Variants in DACH2 observed in about 807,000 individuals in gnomAD.
The protein encoded by DACH2 is dachshund homolog 2.
In DACH2, 17 loss-of-function variants were observed where a neutral mutation model predicts 35.8. That is an observed-to-expected ratio of 0.48 (90% CI 0.33 to 0.71). DACH2 has a LOEUF of 0.71. Among genes scored for constraint, DACH2 ranks in the 30% least tolerant of loss-of-function variants. The probability of loss-of-function intolerance (pLI) is 0.02; values close to 1 mark genes in which losing one functional copy is unlikely to be tolerated. For synonymous variants in DACH2, 195 were observed against 177.3 expected (o/e 1.10, Z -0.79); for missense variants, 469 against 472.7 (o/e 0.99, Z 0.07).
chrX:86,462,961 A>G (rs2037601566), intron 2 of DACH2, among the ~76,000 whole-genome samples: 1 of 111,538 alleles, frequency 9.0e-6, no homozygotes, highest in Non-Finnish European at 1.9e-5. Context: ...ATCCTATTTT[A>G]TTTATAAACT....
intron 3 of DACH2, among the ~76,000 whole-genome samples, chrX:86,516,390 G>A (rs1400082061): frequency 5.4e-5 from 6 of 111,061 alleles, no homozygotes; most frequent in Non-Finnish European, 1.9e-5. Flanking sequence ...ACATTAGTAG[G>A]TTATTTGTTG....
chrX:86,749,378 T>C (rs192836027), intron 7 of DACH2, among the ~76,000 whole-genome samples: 12 of 111,952 alleles, frequency 1.1e-4, no homozygotes, highest in African/African-American at 3.9e-4. Flanking sequence ...TACATGTGAC[T>C]ATTCCTCTTA....
At chrX:86,411,845 A>G (rs1329677758) in intron 2 of DACH2, among the ~76,000 whole-genome samples, 1 of 110,954 alleles carries the variant, frequency 9.0e-6, no homozygotes, top group Non-Finnish European at 1.9e-5. Context: ...TTCAGCAAGC[A>G]CCTCAGCAGG....
intron 1 of DACH2, among the ~76,000 whole-genome samples, chrX:86,285,427 C>G (rs2034124702): frequency 9.0e-6 from 1 of 111,481 alleles, no homozygotes; most frequent in Non-Finnish European, 1.9e-5. Context: ...AATTGATTGA[C>G]CCACTGGTGA....
intron 7 of DACH2, among the ~76,000 whole-genome samples, chrX:86,752,054 A>G (rs1303081144): frequency 1.8e-5 from 2 of 111,538 alleles, no homozygotes; most frequent in Admixed American, 9.5e-5. Flanking sequence ...ATGAATGTAA[A>G]GATGGGAACC....
chrX:86,693,295 T>G (rs1423830748), intron 4 of DACH2, among the ~76,000 whole-genome samples: 1 of 112,289 alleles, frequency 8.9e-6, no homozygotes, highest in African/African-American at 3.2e-5. Flanking sequence ...AACTGCTAAT[T>G]TCTTCCCACG....
At chrX:86,626,433 A>G (rs2040138182) in intron 3 of DACH2, among the ~76,000 whole-genome samples, 1 of 112,645 alleles carries the variant, frequency 8.9e-6, no homozygotes, top group African/African-American at 3.2e-5. Context: ...GCAAGCTGTC[A>G]GTGGAACTAC....
At chrX:86,377,525 G>A (rs1371678495) in intron 2 of DACH2, among the ~76,000 whole-genome samples, 1 of 110,811 alleles carries the variant, frequency 9.0e-6, no homozygotes, top group African/African-American at 3.3e-5. Context: ...ATTTTAGGTT[G>A]TAGTGGTGAA....
rs695264 is a variant in DACH2, at chrX:86,438,219, G to GTT, written c.527+61377_527+61378dup. On this transcript the variant is annotated intron_variant, in intron 2 of 11. Transcript: ENST00000373125. ...TTCTGCAAAGGACATGATCTCGTAGGTTTTTTTTTTTTTTTTTTTTTGAGA... is the reference window on the plus strand; with the variant it reads ...TTCTGCAAAGGACATGATCTCGTAGGTTTTTTTTTTTTTTTTTTTTTTTGAGA... 2.4e-3 allele frequency among the ~76,000 whole-genome samples: 198 copies of GTT among 81,106 alleles called. 7 individuals carry two copies. Among genetic ancestry groups the GTT allele is most frequent in the African/African-American group, 8.5e-3 (162 of 18,993 alleles). The allele number at this position is 81,106 out of a possible 115,157, so 70.4% of individuals were successfully genotyped here. A position where few individuals can be genotyped will look rare whatever the true frequency, so the allele number is the denominator to read the frequency against.
intron 1 of DACH2, among the ~76,000 whole-genome samples, chrX:86,296,337 C>T (rs1414660522): frequency 3.6e-4 from 34 of 94,072 alleles, no homozygotes; most frequent in East Asian, 1.7e-3. Flanking sequence ...GCCGAGATTG[C>T]GCCACTGCAC....
intron 2 of DACH2, among the ~76,000 whole-genome samples, chrX:86,377,523 T>G (rs754332640): frequency 6.3e-5 from 7 of 110,513 alleles, no homozygotes; most frequent in Admixed American, 3.9e-4. Flanking sequence ...ACATTTTAGG[T>G]TGTAGTGGTG....
intron 1 of DACH2, among the ~76,000 whole-genome samples, chrX:86,325,106 G>A (rs2035090152): frequency 9.1e-6 from 1 of 109,421 alleles, no homozygotes; most frequent in Non-Finnish European, 1.9e-5. Flanking sequence ...AAAAAAAATT[G>A]TGACTTGGTT....
chrX:86,546,892 A>C (rs1019054912), intron 3 of DACH2, among the ~76,000 whole-genome samples: 1 of 109,653 alleles, frequency 9.1e-6, no homozygotes, highest in African/African-American at 3.3e-5. Context: ...CTACTTACCT[A>C]CTTTTTTGCA....
At chrX:86,281,268 C>A (rs958788267) in intron 1 of DACH2, among the ~76,000 whole-genome samples, 1 of 110,957 alleles carries the variant, frequency 9.0e-6, no homozygotes, top group Admixed American at 9.7e-5. Flanking sequence ...ACTGGCAAAC[C>A]AAATCCAGCA....
intron 4 of DACH2, among the ~76,000 whole-genome samples, chrX:86,669,558 G>A (rs1028521014): frequency 2.7e-5 from 3 of 110,995 alleles, no homozygotes; most frequent in East Asian, 5.6e-4. Flanking sequence ...ATTTCTCTTC[G>A]GTATTAGAAG....
chrX:86,376,090 A>T (rs2148101970), intron 1 of DACH2, among the ~76,000 whole-genome samples: 1 of 108,694 alleles, frequency 9.2e-6, no homozygotes, highest in Non-Finnish European at 1.9e-5. Context: ...TTTAAAATGG[A>T]TCTCTTTTGT....
chrX:86,462,424 T>A (rs1218579770), intron 2 of DACH2, among the ~76,000 whole-genome samples: 1 of 111,471 alleles, frequency 9.0e-6, no homozygotes, highest in African/African-American at 3.2e-5. Context: ...TTTGAAAATC[T>A]GTAGGTACTA....
intron 1 of DACH2, among the ~76,000 whole-genome samples, chrX:86,263,451 T>C (rs1370647921): frequency 8.9e-6 from 1 of 111,749 alleles, no homozygotes; most frequent in Non-Finnish European, 1.9e-5. Flanking sequence ...AACAAGTAGA[T>C]TAACAACATG....
chrX:86,466,089 G>C (rs192022453), intron 2 of DACH2, among the ~76,000 whole-genome samples: 1 of 111,629 alleles, frequency 9.0e-6, no homozygotes. Flanking sequence ...TAGACTTATA[G>C]TTTAACATGG....
Sources: allele counts gnomAD v4.1 joint callset (sites outside exome capture counted in the v4.1 genomes callset), GRCh38; gene constraint gnomAD v4.1.1; transcripts MANE v1.5; gene names NCBI Gene and HGNC (gene_info 2026-07-23, HGNC 2026-07-21).